EPHA3: variants seen among roughly 807,000 people sequenced by gnomAD.
EPHA3 encodes ephrin type-A receptor 3.
In EPHA3, 42 loss-of-function variants were observed where a neutral mutation model predicts 107.1. That is an observed-to-expected ratio of 0.39 (90% CI 0.31 to 0.51). The LOEUF (loss-of-function observed/expected upper bound fraction) is 0.51, where lower values mean the gene tolerates loss of function less well. EPHA3 is among the 20% of genes least tolerant of loss of function. EPHA3 has a pLI of 0.78. For missense variants in EPHA3, 1,183 were observed against 1,211.2 expected (o/e 0.98, Z 0.35); for synonymous variants, 461 against 424.8 (o/e 1.09, Z -1.05).
intron 5 of EPHA3, among the ~76,000 whole-genome samples, chr3:89,356,072 G>A (rs574515218): frequency 7.0e-6 from 1 of 142,228 alleles, no homozygotes; most frequent in South Asian, 2.2e-4. Flanking sequence ...CTATGAGTGA[G>A]AATATACAGT....
At chr3:89,380,540 A>C (rs1193582691) in intron 5 of EPHA3, among the ~76,000 whole-genome samples, 1 of 152,186 alleles carries the variant, frequency 6.6e-6, no homozygotes, top group Admixed American at 6.5e-5. Flanking sequence ...TACGAATGAA[A>C]GGAGCCAGCC....
chr3:89,204,480 C>CCACACACA (rs57892338), intron 2 of EPHA3, among the ~76,000 whole-genome samples: 6 of 149,934 alleles, frequency 4.0e-5, no homozygotes, highest in Admixed American at 4.0e-4. Context: ...ATTTGACACA[C>CCACACACA]CACACACACA....
rs565307362 is a variant in EPHA3, at chr3:89,456,882, A to G, written c.2690+6512A>G. On this transcript the variant is annotated intron_variant, in intron 15 of 16. Transcript: ENST00000336596. ...CAACAATAACCGTGTGTGAGACATT[A>G]TGTTAGGTCCTGTGATGATTATATA... 1.2e-4 allele frequency among the ~76,000 whole-genome samples: 18 copies of G among 152,294 alleles called. No individual in the cohort carries two copies. In the South Asian group the frequency reaches 2.5e-3, roughly 21 times the overall value.
chr3:89,472,348 T>G, intron 15 of EPHA3, 116 bp from the exon 16 acceptor site: 1 of 1,116,632 alleles, frequency 9.0e-7, no homozygotes, highest in Non-Finnish European at 1.3e-6. Context: ...ATTCCACAAA[T>G]GAAAGGAACA....
At chr3:89,436,862 A>T (rs1283429715) in intron 13 of EPHA3, among the ~76,000 whole-genome samples, 1 of 152,032 alleles carries the variant, frequency 6.6e-6, no homozygotes, top group East Asian at 1.9e-4. Context: ...ATACATTTTT[A>T]TGTTTATTTT....
At chr3:89,158,782 A>G (rs1704859505) in intron 2 of EPHA3, among the ~76,000 whole-genome samples, 2 of 152,150 alleles carry the variant, frequency 1.3e-5, no homozygotes. Flanking sequence ...AAACAGTGCC[A>G]AAAGAGTACT....
intron 2 of EPHA3, among the ~76,000 whole-genome samples, chr3:89,177,504 A>T (rs923318279): frequency 6.6e-6 from 1 of 152,172 alleles, no homozygotes; most frequent in East Asian, 1.9e-4. Flanking sequence ...TCAAAGACTG[A>T]CATAGGCTGA....
intron 2 of EPHA3, among the ~76,000 whole-genome samples, chr3:89,173,781 A>T (rs542164303): frequency 1.3e-5 from 2 of 152,148 alleles, no homozygotes; most frequent in Non-Finnish European, 2.9e-5. Context: ...CTTGAGAACT[A>T]AAACAATGTG....
chr3:89,131,631 T>C (rs1704209367), intron 2 of EPHA3, among the ~76,000 whole-genome samples: 1 of 152,166 alleles, frequency 6.6e-6, no homozygotes, highest in South Asian at 2.1e-4. Context: ...ATGACTCACT[T>C]AATTAAAGAA....
intron 1 of EPHA3, among the ~76,000 whole-genome samples, chr3:89,125,662 C>A (rs1368274872): frequency 2.6e-5 from 4 of 151,504 alleles, no homozygotes; most frequent in Non-Finnish European, 5.9e-5. Context: ...GGAAAAAATT[C>A]TTTAATCATT....
intron 2 of EPHA3, among the ~76,000 whole-genome samples, chr3:89,161,771 G>T (rs1704948025): frequency 6.6e-6 from 1 of 151,934 alleles, no homozygotes; most frequent in African/African-American, 2.4e-5. Flanking sequence ...TATCCCAGGA[G>T]TTCAATACCA....
intron 2 of EPHA3, among the ~76,000 whole-genome samples, chr3:89,178,910 G>A (rs1705377650): frequency 6.6e-6 from 1 of 151,680 alleles, no homozygotes; most frequent in Non-Finnish European, 1.5e-5. Flanking sequence ...TTTATCCATT[G>A]TGTATTAAAT....
At chr3:89,162,408 A>T (rs540011839) in intron 2 of EPHA3, among the ~76,000 whole-genome samples, 1 of 152,310 alleles carries the variant, frequency 6.6e-6, no homozygotes, top group South Asian at 2.1e-4. Flanking sequence ...TGCAAAAGCA[A>T]ATGCAATGAC....
rs531376022 is a variant in EPHA3 at position 89,458,899 on chromosome 3, A to G, written c.2690+8529A>G. On this transcript the variant is annotated intron_variant, in intron 15 of 16. Coordinates refer to ENST00000336596, the MANE Select transcript of EPHA3 (RefSeq NM_005233.6). ...TGCAGGGACGTGGATGAAGCTGGAG[A>G]CCATCATTCTCAGCAAACTAACACA... 3.9e-5 allele frequency among the ~76,000 whole-genome samples: 6 copies of G among 152,306 alleles called. No individual in the cohort carries two copies. In the East Asian group the frequency reaches 1.2e-3, roughly 29 times the overall value.
intron 3 of EPHA3, among the ~76,000 whole-genome samples, chr3:89,215,230 T>C (rs899794863): frequency 6.6e-6 from 1 of 151,924 alleles, no homozygotes; most frequent in Non-Finnish European, 1.5e-5. Context: ...GTTTGAAGTA[T>C]ATGTCAAATG....
chr3:89,203,776 C>CA (rs1415382549), intron 2 of EPHA3, among the ~76,000 whole-genome samples: 1 of 151,182 alleles, frequency 6.6e-6, no homozygotes, highest in Non-Finnish European at 1.5e-5. Context: ...GACTCTGTCT[C>CA]AAAAAAATAA....
chr3:89,357,612 C>G (rs1048513772), intron 5 of EPHA3, among the ~76,000 whole-genome samples: 1 of 151,142 alleles, frequency 6.6e-6, no homozygotes, highest in African/African-American at 2.4e-5. Context: ...TACAGATTTT[C>G]AACATATCAA....
At chr3:89,150,066 T>A (rs1199552030) in intron 2 of EPHA3, among the ~76,000 whole-genome samples, 1 of 152,006 alleles carries the variant, frequency 6.6e-6, no homozygotes, top group Non-Finnish European at 1.5e-5. Context: ...TCCATTTCCT[T>A]GTATCTCTGG....
At chr3:89,285,036 A>T (rs1706046222) in intron 3 of EPHA3, among the ~76,000 whole-genome samples, 1 of 152,060 alleles carries the variant, frequency 6.6e-6, no homozygotes, top group African/African-American at 2.4e-5. Flanking sequence ...GAGGCACGGG[A>T]ATCACTAAAC....
Sources: allele counts gnomAD v4.1 joint callset (sites outside exome capture counted in the v4.1 genomes callset), GRCh38; gene constraint gnomAD v4.1.1; transcripts MANE v1.5; gene names NCBI Gene and HGNC (gene_info 2026-07-23, HGNC 2026-07-21).